Variants in VIPR1 observed in about 807,000 individuals in gnomAD.
VIPR1 encodes the protein vasoactive intestinal polypeptide receptor 1.
In VIPR1, 59 loss-of-function variants were observed where a neutral mutation model predicts 58.8. That is an observed-to-expected ratio of 1.00 (90% CI 0.81 to 1.25). The LOEUF (loss-of-function observed/expected upper bound fraction) is 1.25. Ranked by LOEUF, VIPR1 falls within the 50% of genes most tolerant of loss-of-function variation. The pLI is 0.00. For missense variants in VIPR1, 626 were observed against 602.7 expected (o/e 1.04, Z -0.40); for synonymous variants, 251 against 242.1 (o/e 1.04, Z -0.34).
At chr3:42,505,932 G>T (rs971681442) in intron 1 of VIPR1, among the ~76,000 whole-genome samples, 1 of 152,224 alleles carries the variant, frequency 6.6e-6, no homozygotes, top group African/African-American at 2.4e-5. Context: ...GAGCACCAGG[G>T]TCTCTGTGAA....
intron 3 of VIPR1, among the ~76,000 whole-genome samples, chr3:42,522,097 ATATATTTTTTTTTTTTTT>A (rs1559489536): frequency 2.3e-5 from 1 of 44,144 alleles, no homozygotes; most frequent in Non-Finnish European, 3.5e-5. Context: ...ATATATATAT[ATATATTTTTTTTTTTTTT>A]TTTTTTTTTT....
intron 3 of VIPR1, among the ~76,000 whole-genome samples, chr3:42,523,413 G>T (rs957599118): frequency 2.0e-5 from 3 of 152,144 alleles, no homozygotes; most frequent in African/African-American, 4.8e-5. Flanking sequence ...TTTGGCCGCT[G>T]CTGGGAGCCC....
chr3:42,536,064 G>A (rs1316427780), intron 12 of VIPR1, 26 bp from the exon 13 acceptor site: 1 of 1,568,482 alleles, frequency 6.4e-7, no homozygotes, highest in South Asian at 1.2e-5. Context: ...CACAGCAGTG[G>A]GCCTGACCAC....
chr3:42,536,190 C>T lies in VIPR1; in HGVS notation c.1283C>T (p.Ala428Val), dbSNP rs368151508. Residue 428 changes from alanine to valine, a missense_variant, in exon 13 of 13, where the codon GCC becomes GTC. Transcript: ENST00000325123. Reference sequence around the variant, plus strand: ...CACCCGTCGGGAGGCAGCAACGGCGCCACGTGCAGCACGCAGGTTTCCATG... The same window carrying T: ...CACCCGTCGGGAGGCAGCAACGGCGTCACGTGCAGCACGCAGGTTTCCATG... ...YRHPSGGSNG[A>V]TCSTQVSMLT... The T allele has an allele frequency of 1.2e-6, 2 of 1,602,892 alleles. No homozygotes were observed. The highest frequency in any genetic ancestry group is 1.7e-6 in the Non-Finnish European group (2 of 1,175,598).
chr3:42,524,011 T>C (rs191650176), intron 3 of VIPR1, among the ~76,000 whole-genome samples: 57 of 152,298 alleles, frequency 3.7e-4, no homozygotes, highest in African/African-American at 1.3e-3. Flanking sequence ...AAAGACAGGG[T>C]TTCACTATGT....
At chr3:42,525,803 T>G in intron 3 of VIPR1, 84 bp from the exon 4 acceptor site, 1 of 1,387,800 alleles carries the variant, frequency 7.2e-7, no homozygotes, top group Middle Eastern at 2.4e-4. Flanking sequence ...TAGGGCTGAA[T>G]TCTCTGCCTT....
chr3:42,532,663 A>C, intron 10 of VIPR1: 2 of 415,620 alleles, frequency 4.8e-6, no homozygotes, highest in Non-Finnish European at 8.9e-6. Context: ...AGTCCCTGGC[A>C]TGTGCCTCAC....
chr3:42,503,378 A>G (rs1408292086), intron 1 of VIPR1, among the ~76,000 whole-genome samples: 1 of 152,124 alleles, frequency 6.6e-6, no homozygotes, highest in African/African-American at 2.4e-5. Flanking sequence ...CCAGACCCCA[A>G]GGTGGAAGCT....
chr3:42,536,570 C>T lies in VIPR1; in HGVS notation c.*289C>T. ...AAAGGCCCCCTACGCCAATCAAGGG[C>T]AAAAAGTCTACATACTTTCATCCTG... On this transcript the variant is annotated 3_prime_UTR_variant, in exon 13 of 13. Coordinates refer to ENST00000325123, the MANE Select transcript of VIPR1 (RefSeq NM_004624.4). 2.8e-6 allele frequency: 1 copy of T among 356,428 alleles called. No individual in the cohort carries two copies. 22.1% of individuals were successfully genotyped at this position (356,428 alleles called of 1,614,324 possible). A position where few individuals can be genotyped will look rare whatever the true frequency, so the allele number is the denominator to read the frequency against.
At chr3:42,520,821 C>T (rs1157847403) in intron 3 of VIPR1, among the ~76,000 whole-genome samples, 1 of 152,138 alleles carries the variant, frequency 6.6e-6, no homozygotes, top group African/African-American at 2.4e-5. Flanking sequence ...GTTTGCCCCC[C>T]AGTGCCTGCT....
intron 3 of VIPR1, among the ~76,000 whole-genome samples, chr3:42,519,906 G>T (rs1459442637): frequency 6.6e-6 from 1 of 152,182 alleles, no homozygotes; most frequent in Non-Finnish European, 1.5e-5. Context: ...GTGGAGAGAG[G>T]ATAAAACAGC....
chr3:42,528,235 C>G (rs921061903), intron 6 of VIPR1, 112 bp downstream of exon 6: 15 of 1,404,818 alleles, frequency 1.1e-5, no homozygotes, highest in Non-Finnish European at 1.4e-5. Flanking sequence ...TTCCCTCCCA[C>G]CCCACCCCTC....
chr3:42,491,515 A>G (rs1699663983), intron 1 of VIPR1, among the ~76,000 whole-genome samples: 1 of 152,224 alleles, frequency 6.6e-6, no homozygotes, highest in African/African-American at 2.4e-5. Flanking sequence ...GAAGATCATT[A>G]TAATACTTTA....
chr3:42,518,417 C>A (rs953040311), intron 2 of VIPR1, among the ~76,000 whole-genome samples: 5 of 152,168 alleles, frequency 3.3e-5, no homozygotes, highest in African/African-American at 1.2e-4. Flanking sequence ...TCCTGGAAAA[C>A]TCCATGTATG....
At chr3:42,493,478 G>A (rs1699703219) in intron 1 of VIPR1, among the ~76,000 whole-genome samples, 1 of 152,212 alleles carries the variant, frequency 6.6e-6, no homozygotes, top group African/African-American at 2.4e-5. Flanking sequence ...GGCACAGTTG[G>A]GCCTAGGGTC....
upstream of VIPR1, among the ~76,000 whole-genome samples, chr3:42,498,101 T>G (rs913144955): frequency 9.9e-5 from 15 of 152,166 alleles, no homozygotes; most frequent in African/African-American, 3.1e-4. Flanking sequence ...TCTCACATAC[T>G]TCATTCTCCA....
At chr3:42,491,142 A>C (rs1357761633) in intron 1 of VIPR1, among the ~76,000 whole-genome samples, 1 of 152,242 alleles carries the variant, frequency 6.6e-6, no homozygotes, top group African/African-American at 2.4e-5. Flanking sequence ...AGAGCCTGCA[A>C]GGAAAAGAGA....
intron 3 of VIPR1, among the ~76,000 whole-genome samples, chr3:42,525,665 G>A (rs1042741613): frequency 1.3e-5 from 2 of 152,222 alleles, no homozygotes; most frequent in African/African-American, 4.8e-5. Flanking sequence ...GCCCAAGAAT[G>A]TCTGCTCTGA....
At chr3:42,491,709 G>C (rs774201910) in intron 1 of VIPR1, among the ~76,000 whole-genome samples, 29 of 151,962 alleles carry the variant, frequency 1.9e-4, no homozygotes, top group Non-Finnish European at 3.5e-4. Context: ...CAAGTAGCTG[G>C]GGCTACAGGC....
Sources: gnomAD v4.1 joint callset for allele counts (sites outside exome capture counted in the v4.1 genomes callset) on GRCh38, gnomAD v4.1.1 for gene constraint, MANE v1.5 for transcripts, NCBI Gene and HGNC (gene_info 2026-07-23, HGNC 2026-07-21) for gene names.